The following RBFOX1 variants were observed in gnomAD, a reference collection of about 807,000 sequenced individuals.
RBFOX1 encodes the protein RNA binding protein fox-1 homolog 1.
Under a neutral mutation model 57.7 loss-of-function variants are expected in RBFOX1, and 8 were observed. The observed-to-expected ratio is 0.14, with a 90% CI of 0.08 to 0.25. The LOEUF (loss-of-function observed/expected upper bound fraction) is 0.25. Among genes scored for constraint, RBFOX1 ranks in the 10% least tolerant of loss-of-function variants. The pLI is 1.00. For synonymous variants in RBFOX1, 326 were observed against 222.4 expected, an observed-to-expected ratio of 1.47 and a Z score of -4.15; for missense variants, 611 against 548.5, an observed-to-expected ratio of 1.11 and a Z score of -1.14.
intron 4 of RBFOX1, among the ~76,000 whole-genome samples, chr16:7,462,845 TTC>T (rs2059826546): frequency 1.3e-5 from 2 of 152,182 alleles, no homozygotes; most frequent in Admixed American, 1.3e-4. Flanking sequence ...CTCTCCATGT[TTC>T]TCTTTTGCCA....
chr16:6,395,995 G>A (rs1000808938), intron 2 of RBFOX1, among the ~76,000 whole-genome samples: 6 of 150,634 alleles, frequency 4.0e-5, no homozygotes, highest in African/African-American at 1.2e-4. Flanking sequence ...GAATCCGGGA[G>A]GTGGAAGTTG....
At chr16:6,423,460 T>A (rs1567238864) in intron 2 of RBFOX1, among the ~76,000 whole-genome samples, 1 of 151,884 alleles carries the variant, frequency 6.6e-6, no homozygotes, top group African/African-American at 2.4e-5. Context: ...TTAACCAGGT[T>A]TGATGGTGCA....
chr16:7,243,307 G>A (rs1312546428), intron 4 of RBFOX1, among the ~76,000 whole-genome samples: 3 of 152,124 alleles, frequency 2.0e-5, no homozygotes, highest in African/African-American at 7.2e-5. Context: ...ACAGCTGTGT[G>A]ACCTTAGGCC....
chr16:5,782,081 C>G (rs1597229710), intron 3 of RBFOX1, among the ~76,000 whole-genome samples: 1 of 152,226 alleles, frequency 6.6e-6, no homozygotes, highest in East Asian at 1.9e-4. Context: ...TTTGGTGGCA[C>G]ATGCCTGTAG....
chr16:6,792,654 T>G (rs2083195535), intron 3 of RBFOX1, among the ~76,000 whole-genome samples: 1 of 152,074 alleles, frequency 6.6e-6, no homozygotes, highest in Non-Finnish European at 1.5e-5. Flanking sequence ...CTTGATGTCA[T>G]GTCTTTTTCA....
chr16:6,746,592 C>G (rs1346270378), intron 3 of RBFOX1, among the ~76,000 whole-genome samples: 1 of 151,796 alleles, frequency 6.6e-6, no homozygotes, highest in African/African-American at 2.4e-5. Flanking sequence ...CTGGGGGGAT[C>G]ACCTGAACCT....
intron 2 of RBFOX1, among the ~76,000 whole-genome samples, chr16:5,478,848 T>G (rs1277555240): frequency 6.6e-6 from 1 of 152,144 alleles, no homozygotes; most frequent in African/African-American, 2.4e-5. Flanking sequence ...TGGGCTGCTA[T>G]ATTCCTAAGC....
intron 3 of RBFOX1, among the ~76,000 whole-genome samples, chr16:6,741,123 T>TAATGCAAAAGC (rs2071951917): frequency 1.3e-5 from 2 of 152,166 alleles, no homozygotes; most frequent in African/African-American, 4.8e-5. Context: ...ATGGGGGAAG[T>TAATGCAAAAGC]ATAATCTTTA....
intron 1 of RBFOX1, among the ~76,000 whole-genome samples, chr16:6,312,568 A>C (rs1040225129): frequency 1.3e-5 from 2 of 152,150 alleles, no homozygotes; most frequent in Non-Finnish European, 2.9e-5. Context: ...ACTATGCTAG[A>C]CAGAGATGGG....
intron 3 of RBFOX1, among the ~76,000 whole-genome samples, chr16:6,777,275 T>C (rs1271037031): frequency 2.0e-5 from 3 of 152,174 alleles, no homozygotes; most frequent in Non-Finnish European, 1.5e-5. Context: ...TTTTTAGTTT[T>C]GTAATGGAGT....
At chr16:7,543,573 A>T (rs6500981) in intron 5 of RBFOX1, among the ~76,000 whole-genome samples, 126,458 of 151,964 alleles carry the variant, frequency 0.83, 52,878 homozygotes, top group Non-Finnish European at 0.88. Flanking sequence ...AACTGATTGA[A>T]TCCAGTCTTA....
At position 6,905,767 on chromosome 16, in the gene RBFOX1, A is replaced by G. The variant is rs568045151; in HGVS notation, c.-15-146290A>G. ...TTTGCATGCCATGGATGGAAATGGT[A>G]TTTTCAAGAGACAGACTGAGCCGGT... On this transcript the variant is annotated intron_variant, in intron 3 of 15. Coordinates refer to ENST00000550418, the MANE Select transcript of RBFOX1 (RefSeq NM_018723.4). Among the ~76,000 whole-genome samples the G allele has an allele frequency of 3.9e-5, 6 of 152,246 alleles. No homozygotes were observed. The South Asian group carries it at 6.2e-4, about 16-fold the overall frequency.
At chr16:5,528,261 A>G (rs535389802) in intron 2 of RBFOX1, among the ~76,000 whole-genome samples, 2 of 152,212 alleles carry the variant, frequency 1.3e-5, no homozygotes, top group East Asian at 3.9e-4. Flanking sequence ...GGTGCCTATC[A>G]GTTTTCCGTG....
At chr16:5,851,968 C>G (rs990459641) in intron 3 of RBFOX1, among the ~76,000 whole-genome samples, 5 of 152,104 alleles carry the variant, frequency 3.3e-5, no homozygotes, top group Non-Finnish European at 7.4e-5. Flanking sequence ...CCACCACTTA[C>G]GAGCCATATG....
intron 3 of RBFOX1, among the ~76,000 whole-genome samples, chr16:6,814,363 T>C (rs1193574165): frequency 2.0e-5 from 3 of 152,184 alleles, no homozygotes; most frequent in Non-Finnish European, 4.4e-5. Flanking sequence ...AGTGTTTCCA[T>C]TTCTTTCTGA....
chr16:5,974,584 T>G (rs2060025478), intron 4 of RBFOX1, among the ~76,000 whole-genome samples: 1 of 152,144 alleles, frequency 6.6e-6, no homozygotes, highest in South Asian at 2.1e-4. Flanking sequence ...CACTTGAGCC[T>G]GGGCGACAGA....
intron 2 of RBFOX1, among the ~76,000 whole-genome samples, chr16:6,535,240 C>T (rs1000792914): frequency 1.3e-5 from 2 of 152,142 alleles, no homozygotes; most frequent in Admixed American, 1.3e-4. Flanking sequence ...GAGTTGGTCA[C>T]CTTCTTTCCA....
At chr16:7,100,851 G>T (rs1489700905) in intron 4 of RBFOX1, among the ~76,000 whole-genome samples, 1 of 152,110 alleles carries the variant, frequency 6.6e-6, no homozygotes, top group African/African-American at 2.4e-5. Context: ...GTTTTGCAAA[G>T]GGCAATACTA....
At chr16:5,539,749 G>T (rs2044857039) in intron 2 of RBFOX1, among the ~76,000 whole-genome samples, 1 of 152,064 alleles carries the variant, frequency 6.6e-6, no homozygotes, top group South Asian at 2.1e-4. Context: ...TCTCATGTTG[G>T]GCCATATGAA....
Sources: allele counts gnomAD v4.1 joint callset (sites outside exome capture counted in the v4.1 genomes callset), GRCh38; gene constraint gnomAD v4.1.1; transcripts MANE v1.5; gene names NCBI Gene and HGNC (gene_info 2026-07-23, HGNC 2026-07-21).